Variants in GRM8 observed in about 807,000 individuals in gnomAD.
GRM8 encodes glutamate metabotropic receptor 8, also known as metabotropic glutamate receptor 8.
In GRM8, 47 loss-of-function variants were observed where a neutral mutation model predicts 87.2. The ratio of observed to expected loss-of-function variants is 0.54; its 90% CI spans 0.43 to 0.69. The LOEUF (loss-of-function observed/expected upper bound fraction) is 0.69. Ranked by LOEUF, GRM8 falls within the 30% of genes least tolerant of loss-of-function variation. The pLI is 0.00. For missense variants in GRM8, 1,019 were observed against 1,139.2 expected, an observed-to-expected ratio of 0.89 and a Z score of 1.52; for synonymous variants, 396 against 404.5, an observed-to-expected ratio of 0.98 and a Z score of 0.25.
At chr7:126,574,180 C>T (rs1794921901) in intron 8 of GRM8, among the ~76,000 whole-genome samples, 1 of 152,230 alleles carries the variant, frequency 6.6e-6, no homozygotes, top group Admixed American at 6.5e-5. Context: ...ACATTTCTGG[C>T]TTCAGCCAAT....
At chr7:126,461,651 TA>T (rs2150521652) in intron 9 of GRM8, among the ~76,000 whole-genome samples, 1 of 151,772 alleles carries the variant, frequency 6.6e-6, no homozygotes, top group African/African-American at 2.4e-5. Flanking sequence ...CTTGTTCCCG[TA>T]TCTGCCATCA....
rs555593925 is a variant in GRM8 at position 126,833,894 on chromosome 7, A to G, written c.1157-63829T>C. Among the ~76,000 whole-genome samples the G allele has an allele frequency of 3.9e-5, 6 of 152,248 alleles. No homozygotes were observed. In the South Asian group the frequency reaches 8.3e-4, roughly 21 times the overall value. On this transcript the variant is annotated intron_variant, in intron 6 of 10. Coordinates refer to ENST00000339582, the MANE Select transcript of GRM8 (RefSeq NM_000845.3). ...GTGATTCTGATTCATTCCATCTGGG[A>G]GGCGGACAGAAAACACTTTCAAAAG...
At position 126,899,015 on chromosome 7, in the gene GRM8, TG is replaced by T. The variant is rs780521858; in HGVS notation, c.1156+3526del. ...TCATTGTTCAACTCCCACTTACGAG[TG>T]TAAAAAAAAAAAAAGAAAGAAAATA... On this transcript the variant is annotated intron_variant, in intron 6 of 10. Transcript: ENST00000339582. Among the ~76,000 whole-genome samples, 1,304 of 145,658 alleles carry T rather than the reference TG, an allele frequency of 9.0e-3. 19 individuals are homozygous for T. Among genetic ancestry groups the T allele is most frequent in the African/African-American group, 0.024 (949 of 39,356 alleles).
intron 7 of GRM8, among the ~76,000 whole-genome samples, chr7:126,670,805 GT>G (rs924393137): frequency 1.3e-5 from 2 of 152,086 alleles, no homozygotes; most frequent in African/African-American, 4.8e-5. Context: ...CCTTGCTTTA[GT>G]TTTTTTTATA....
intron 9 of GRM8, among the ~76,000 whole-genome samples, chr7:126,489,731 A>C (rs1265106931): frequency 6.6e-6 from 1 of 152,020 alleles, no homozygotes; most frequent in Non-Finnish European, 1.5e-5. Flanking sequence ...ACTAGACTTA[A>C]GGGATGCCCA....
intron 2 of GRM8, among the ~76,000 whole-genome samples, chr7:127,142,711 G>A (rs185025993): frequency 1.1e-4 from 16 of 152,190 alleles, no homozygotes; most frequent in African/African-American, 3.9e-4. Context: ...TGGATGGATG[G>A]ATGGGATGGA....
At chr7:126,563,021 C>T (rs1184427853) in intron 8 of GRM8, among the ~76,000 whole-genome samples, 4 of 152,088 alleles carry the variant, frequency 2.6e-5, no homozygotes, top group African/African-American at 4.8e-5. Context: ...AAGCTGTTTC[C>T]GTACTGCCCA....
intron 7 of GRM8, among the ~76,000 whole-genome samples, chr7:126,708,291 A>T (rs1359069723): frequency 6.6e-6 from 1 of 152,120 alleles, no homozygotes; most frequent in Non-Finnish European, 1.5e-5. Flanking sequence ...AATGTAAATT[A>T]GTGTAACCAT....
intron 5 of GRM8, among the ~76,000 whole-genome samples, chr7:126,903,058 C>A (rs1802258890): frequency 6.6e-6 from 1 of 152,172 alleles, no homozygotes; most frequent in South Asian, 2.1e-4. Flanking sequence ...TTTTCTCTTT[C>A]CTAGCATGGA....
intron 7 of GRM8, among the ~76,000 whole-genome samples, chr7:126,612,358 T>C (rs887712975): frequency 5.9e-5 from 9 of 152,200 alleles, no homozygotes; most frequent in African/African-American, 2.2e-4. Flanking sequence ...TTCATTATGC[T>C]CTGTCTCACC....
rs112849844 is a variant in GRM8 at position 126,998,485 on chromosome 7, C to T, written c.728-93802G>A. Among the ~76,000 whole-genome samples the T allele has an allele frequency of 8.9e-3, 1,349 of 151,796 alleles. 17 individuals carry two copies. Among genetic ancestry groups the T allele is most frequent in the African/African-American group, 0.03 (1,252 of 41,488 alleles). On this transcript the variant is annotated intron_variant, in intron 3 of 10. Transcript: ENST00000339582. The stretch of plus-strand genomic sequence containing the variant: ...ATTGGAAAGGAAAAAATCAAATTGT[C>T]CTTACTTGCAGATGGTATTATATTA...
chr7:127,015,026 A>AAGAAGG (rs1322178280), intron 3 of GRM8, among the ~76,000 whole-genome samples: 1 of 117,698 alleles, frequency 8.5e-6, no homozygotes, highest in East Asian at 2.4e-4. Flanking sequence ...GAAGAAGAAG[A>AAGAAGG]AGAAGAAGAA....
chr7:127,176,772 T>C lies in GRM8; in HGVS notation c.510+65923A>G, dbSNP rs570474575. Among the ~76,000 whole-genome samples the C allele has an allele frequency of 2.6e-4, 39 of 152,236 alleles. No individual in the cohort carries two copies. The South Asian group carries it at 8.1e-3, about 32-fold the overall frequency. ...GCTGAAGGTCTGTTTGTGGGAGAAG[T>C]TTCCAACTTTACCTGGAGCTGAGTC... On this transcript the variant is annotated intron_variant, in intron 2 of 10. Transcript: ENST00000339582.
chr7:126,604,894 C>T (rs1245391868), intron 8 of GRM8, among the ~76,000 whole-genome samples: 1 of 152,158 alleles, frequency 6.6e-6, no homozygotes, highest in Non-Finnish European at 1.5e-5. Flanking sequence ...TTCCAAATTA[C>T]ACTCTGCCAC....
intron 7 of GRM8, among the ~76,000 whole-genome samples, chr7:126,702,199 C>A (rs923497106): frequency 6.6e-6 from 1 of 152,128 alleles, no homozygotes; most frequent in African/African-American, 2.4e-5. Context: ...AAGACTCACA[C>A]AGTATACAAA....
chr7:126,445,038 G>T (rs557213946), intron 10 of GRM8, among the ~76,000 whole-genome samples: 2 of 151,980 alleles, frequency 1.3e-5, no homozygotes, highest in African/African-American at 4.8e-5. Context: ...GACAGCACAT[G>T]CCTGCAGTCC....
chr7:126,677,710 G>A (rs969628690), intron 7 of GRM8, among the ~76,000 whole-genome samples: 10 of 152,064 alleles, frequency 6.6e-5, no homozygotes, highest in African/African-American at 1.4e-4. Context: ...GTTTTGAGGC[G>A]GAGAATGAGG....
At chr7:126,947,198 T>C (rs947833224) in intron 3 of GRM8, among the ~76,000 whole-genome samples, 1 of 152,214 alleles carries the variant, frequency 6.6e-6, no homozygotes, top group Non-Finnish European at 1.5e-5. Context: ...AAATTGTCCA[T>C]TAACTTGTGC....
intron 9 of GRM8, among the ~76,000 whole-genome samples, chr7:126,498,502 G>T (rs1327910659): frequency 1.3e-5 from 2 of 151,950 alleles, no homozygotes; most frequent in African/African-American, 2.4e-5. Context: ...CATAGCATGG[G>T]AAGCCCCTTG....
Sources: gnomAD v4.1 joint callset for allele counts (sites outside exome capture counted in the v4.1 genomes callset) on GRCh38, gnomAD v4.1.1 for gene constraint, MANE v1.5 for transcripts, NCBI Gene and HGNC (gene_info 2026-07-23, HGNC 2026-07-21) for gene names.